PABPC5: variants seen among roughly 807,000 people sequenced by gnomAD.
The protein encoded by PABPC5 is poly(A) binding protein cytoplasmic 5, also known as polyadenylate-binding protein 5.
In PABPC5, 6 loss-of-function variants were observed where a neutral mutation model predicts 12.6. The observed-to-expected ratio is 0.48, with a 90% CI of 0.26 to 0.94. The LOEUF is 0.94. Ranked by LOEUF, PABPC5 falls within the 40% of genes least tolerant of loss-of-function variation. The pLI is 0.14. For synonymous variants in PABPC5, 124 were observed against 118.4 expected, an observed-to-expected ratio of 1.05 and a Z score of -0.31; for missense variants, 244 against 302.8, an observed-to-expected ratio of 0.81 and a Z score of 1.44.
intron 1 of PABPC5, 53 bp downstream of exon 1, chrX:91,434,947 CGT>C (rs1216729600): frequency 1.8e-5 from 2 of 111,623 alleles, no homozygotes; most frequent in Non-Finnish European, 3.8e-5. Flanking sequence ...ATCCCCCGCG[CGT>C]GTGTCTGTCT....
rs1278720928 is a variant in PABPC5, at chrX:91,436,251, C to A, written c.674C>A (p.Thr225Asn). The change falls in exon 2 of 2, where the codon ACT (threonine) becomes AAT (asparagine). Residue 225 changes from threonine to asparagine, a missense_variant. By Grantham distance (65) the Thr-to-Asn change is moderately conservative. This residue lies in a region of PABPC5 where 211 missense variants were observed against 261.5 expected (regional missense o/e 0.81). Coordinates refer to ENST00000312600, the MANE Select transcript of PABPC5 (RefSeq NM_080832.3). Reference protein sequence around the residue: ...LKELFCEYGPTESVKVIRDAS... With the variant: ...LKELFCEYGPNESVKVIRDAS... The stretch of plus-strand genomic sequence containing the variant: ...GAACTTTTCTGTGAATATGGGCCAA[C>A]TGAGAGTGTTAAAGTAATAAGAGAT... 1.7e-6 allele frequency: 2 copies of A among 1,209,476 alleles called. No homozygotes were observed. Among genetic ancestry groups the A allele is most frequent in the Non-Finnish European group, 2.2e-6 (2 of 895,073 alleles).
At position 91,436,292 on chromosome X, in the gene PABPC5, A is replaced by G; in HGVS notation, c.715A>G (p.Lys239Glu). The change falls in exon 2 of 2, where the codon AAA becomes GAA. Residue 239 changes from lysine (K) to glutamate (E), a missense_variant. Physicochemically the swap from Lys to Glu is moderately conservative, Grantham distance 56. Transcript: ENST00000312600. ...AATAAGAGATGCCAGTGGGAAATCTAAAGGCTTTGGATTTGTGAGATATGA... is the reference window on the plus strand; with the variant it reads ...AATAAGAGATGCCAGTGGGAAATCTGAAGGCTTTGGATTTGTGAGATATGA... ...KVIRDASGKS[K>E]GFGFVRYETH... The G allele has an allele frequency of 5.8e-6, 7 of 1,211,792 alleles. No individual in the cohort carries two copies. The highest frequency in any genetic ancestry group is 7.8e-6 in the Non-Finnish European group (7 of 895,522).
At position 91,436,813 on chromosome X, in the gene PABPC5, T is replaced by C; in HGVS notation, c.*87T>C. On this transcript the variant is annotated 3_prime_UTR_variant, in exon 2 of 2. Coordinates refer to ENST00000312600, the MANE Select transcript of PABPC5 (RefSeq NM_080832.3). The stretch of plus-strand genomic sequence containing the variant: ...TGATAAGGGGTTATTTTATGCTAAT[T>C]CACAAGTTTTTTTTTGAAGTGAATT... The C allele has an allele frequency of 1.2e-6, 1 of 866,333 alleles. No homozygotes were observed. Among genetic ancestry groups the C allele is most frequent in the Non-Finnish European group, 1.5e-6 (1 of 649,664 alleles). 71.4% of individuals were successfully genotyped at this position (866,333 alleles called of 1,213,427 possible). A position where few individuals can be genotyped will look rare whatever the true frequency, so the allele number is the denominator to read the frequency against.
At position 91,435,810 on chromosome X, in the gene PABPC5, C is replaced by T; in HGVS notation, c.233C>T (p.Thr78Ile). The T allele has an allele frequency of 8.3e-7, 1 of 1,211,550 alleles. No individual in the cohort carries two copies. Among genetic ancestry groups the T allele is most frequent in the South Asian group, 1.8e-5 (1 of 56,975 alleles). ...FPADAEWALN[T>I]MNFDLINGKP... ...GCGGATGCAGAGTGGGCCTTGAACACCATGAATTTTGATTTGATTAATGGA... is the reference window on the plus strand; with the variant it reads ...GCGGATGCAGAGTGGGCCTTGAACATCATGAATTTTGATTTGATTAATGGA... The change falls in exon 2 of 2, where the codon ACC becomes ATC. Residue 78 changes from threonine to isoleucine, a missense_variant. Thr to Ile is a moderately conservative substitution (Grantham distance 89, BLOSUM62 -1). This residue lies in a region of PABPC5 where 211 missense variants were observed against 261.5 expected (regional missense o/e 0.81). Coordinates refer to ENST00000312600, the MANE Select transcript of PABPC5 (RefSeq NM_080832.3).
chrX:91,437,281 T>C lies in PABPC5; in HGVS notation c.*555T>C, dbSNP rs1931619618. On this transcript the variant is annotated 3_prime_UTR_variant, in exon 2 of 2. Coordinates refer to ENST00000312600, the MANE Select transcript of PABPC5 (RefSeq NM_080832.3). ...TTCATTTTTTAATATGTTGTGAACA[T>C]GCTACAGATTTGATAGTACTTTTGA... is the stretch of plus-strand genomic sequence containing the variant. 8.1e-6 allele frequency: 1 copy of C among 123,839 alleles called. No individual in the cohort carries two copies. Among genetic ancestry groups the C allele is most frequent in the Admixed American group, 9.4e-5 (1 of 10,629 alleles). The allele number at this position is 123,839 out of a possible 1,213,427, so 10.2% of individuals were successfully genotyped here.
rs779652722 is a variant in PABPC5 at position 91,435,986 on chromosome X, G to A, written c.409G>A (p.Val137Ile). 2 of 1,211,741 alleles carry A rather than the reference G, an allele frequency of 1.7e-6. No homozygotes were observed. Among genetic ancestry groups the A allele is most frequent in the Non-Finnish European group, 2.2e-6 (2 of 895,562 alleles). ...TTTTGGGAACATTCTGTCCTGCAAAGTCGTATGCGATGACAACGGCTCTAA... is the reference window on the plus strand; with the variant it reads ...TTTTGGGAACATTCTGTCCTGCAAAATCGTATGCGATGACAACGGCTCTAA... ...SAFGNILSCKVVCDDNGSKGY... is the reference protein window; with the variant it reads ...SAFGNILSCKIVCDDNGSKGY... The change falls in exon 2 of 2, where the codon GTC (valine) becomes ATC (isoleucine). Residue 137 changes from valine to isoleucine, a missense_variant. Val to Ile is a conservative substitution (Grantham distance 29, BLOSUM62 3). Around this residue, in one of 3 missense-constraint regions of PABPC5, gnomAD observed 211 missense variants for 261.5 expected, o/e 0.81. Coordinates refer to ENST00000312600, the MANE Select transcript of PABPC5 (RefSeq NM_080832.3).
Position 91,437,753 on chromosome X carries a change from G to T in PABPC5, c.*1027G>T, listed in dbSNP as rs1428383462. On this transcript the variant is annotated 3_prime_UTR_variant, in exon 2 of 2. Coordinates refer to ENST00000312600, the MANE Select transcript of PABPC5 (RefSeq NM_080832.3). ...TATTCACAGGTGTTTCAAAGGTAAG[G>T]AATAGGTTGTCTCTTGGATTAAGTC... 2 of 121,770 alleles carry T rather than the reference G, an allele frequency of 1.6e-5. No individual in the cohort carries two copies. Among genetic ancestry groups the T allele is most frequent in the African/African-American group, 6.6e-5 (2 of 30,499 alleles). The allele number at this position is 121,770 out of a possible 1,213,427, so 10.0% of individuals were successfully genotyped here.
At position 91,435,546 on chromosome X, in the gene PABPC5, T is replaced by C; in HGVS notation, c.-32T>C. ...TTAGAGAAAGCAGCCTTTTTTCTCTTCAAAGAGAACCTCCTCCCAGTGCTC... is the reference window on the plus strand; with the variant it reads ...TTAGAGAAAGCAGCCTTTTTTCTCTCCAAAGAGAACCTCCTCCCAGTGCTC... On this transcript the variant is annotated 5_prime_UTR_variant, in exon 2 of 2. Transcript: ENST00000312600. 1 of 1,158,891 alleles carries C rather than the reference T, an allele frequency of 8.6e-7. No individual in the cohort carries two copies. The highest frequency in any genetic ancestry group is 1.2e-6 in the Non-Finnish European group (1 of 868,909).
At position 91,438,167 on chromosome X, in the gene PABPC5, C is replaced by T. The variant is rs1042201713; in HGVS notation, c.*1441C>T. On this transcript the variant is annotated 3_prime_UTR_variant, in exon 2 of 2. Transcript: ENST00000312600. ...ACTGTCAGTTTTATTACCTTATATA[C>T]AAATCTTCATTTTCATACATAGTAC... 7 of 122,722 alleles carry T rather than the reference C, an allele frequency of 5.7e-5. No homozygotes were observed. In the Admixed American group the frequency reaches 5.7e-4, roughly 10 times the overall value. The allele number at this position is 122,722 out of a possible 1,213,427, so 10.1% of individuals were successfully genotyped here. A position where few individuals can be genotyped will look rare whatever the true frequency, so the allele number is the denominator to read the frequency against.
rs1315408567 is a variant in PABPC5, at chrX:91,438,385, G to A, written c.*1659G>A. 2 of 122,525 alleles carry A rather than the reference G, an allele frequency of 1.6e-5. No individual in the cohort carries two copies. The highest frequency in any genetic ancestry group is 3.8e-5 in the Non-Finnish European group (2 of 52,816). 10.1% of individuals were successfully genotyped at this position (122,525 alleles called of 1,213,427 possible). A position where few individuals can be genotyped will look rare whatever the true frequency, so the allele number is the denominator to read the frequency against. ...GCTCATTGTAAAAAATGTACACAAG[G>A]CAGAAGGAAGTAAAATTTCCACAGT... On this transcript the variant is annotated 3_prime_UTR_variant, in exon 2 of 2. Transcript: ENST00000312600.
At position 91,436,247 on chromosome X, in the gene PABPC5, C is replaced by A; in HGVS notation, c.670C>A (p.Pro224Thr). The A allele has an allele frequency of 5.0e-6, 6 of 1,211,103 alleles. No individual in the cohort carries two copies. Among genetic ancestry groups the A allele is most frequent in the Non-Finnish European group, 6.7e-6 (6 of 895,201 alleles). The change falls in exon 2 of 2, where the codon CCA becomes ACA. Residue 224 changes from proline (P) to threonine (T), a missense_variant. Pro to Thr is a conservative substitution (Grantham distance 38). Transcript: ENST00000312600. Reference protein sequence around the residue: ...KLKELFCEYGPTESVKVIRDA... With the variant: ...KLKELFCEYGTTESVKVIRDA... ...GAAGGAACTTTTCTGTGAATATGGG[C>A]CAACTGAGAGTGTTAAAGTAATAAG...
In PABPC5 at chrX:91,437,459, T is replaced by A. The variant is rs1056891283; in HGVS notation, c.*733T>A. On this transcript the variant is annotated 3_prime_UTR_variant, in exon 2 of 2. Transcript: ENST00000312600. ...AAAACCTTTCCTAAGAGATTTGGTA[T>A]GTGAGGATACTTTCAGTACCACTCC... The A allele has an allele frequency of 2.4e-5, 3 of 123,281 alleles. No individual in the cohort carries two copies. The highest frequency in any genetic ancestry group is 3.8e-5 in the Non-Finnish European group (2 of 53,192). 10.2% of individuals were successfully genotyped at this position (123,281 alleles called of 1,213,427 possible). A position where few individuals can be genotyped will look rare whatever the true frequency, so the allele number is the denominator to read the frequency against.
At position 91,436,658 on chromosome X, in the gene PABPC5, A is replaced by G. The variant is rs1569327166; in HGVS notation, c.1081A>G (p.Met361Val). ...FEEATKAVDEMNGRIVGSKPL... is the reference protein window; with the variant it reads ...FEEATKAVDEVNGRIVGSKPL... Reference sequence around the variant, plus strand: ...AGAGGCTACCAAAGCAGTGGATGAGATGAATGGCCGCATAGTGGGCTCCAA... The same window carrying G: ...AGAGGCTACCAAAGCAGTGGATGAGGTGAATGGCCGCATAGTGGGCTCCAA... Residue 361 changes from methionine (M) to valine (V), a missense_variant, in exon 2 of 2, where the codon ATG becomes GTG. Met to Val is a conservative substitution (Grantham distance 21, BLOSUM62 1). Around this residue, in one of 3 missense-constraint regions of PABPC5, gnomAD observed 211 missense variants for 261.5 expected, o/e 0.81. Transcript: ENST00000312600. 8.3e-7 allele frequency: 1 copy of G among 1,211,177 alleles called. No homozygotes were observed. Among genetic ancestry groups the G allele is most frequent in the Non-Finnish European group, 1.1e-6 (1 of 895,528 alleles).
chrX:91,435,786 C>T lies in PABPC5; in HGVS notation c.209C>T (p.Ala70Val). Residue 70 changes from alanine (A) to valine (V), a missense_variant, in exon 2 of 2, where the codon GCG (alanine) becomes GTG (valine). By Grantham distance (64) the Ala-to-Val change is moderately conservative (BLOSUM62 0). This residue lies in a region of PABPC5 where 211 missense variants were observed against 261.5 expected (regional missense o/e 0.81). Coordinates refer to ENST00000312600, the MANE Select transcript of PABPC5 (RefSeq NM_080832.3). Reference protein sequence around the residue: ...GYGYVNFRFPADAEWALNTMN... With the variant: ...GYGYVNFRFPVDAEWALNTMN... ...GGGTATGTTAACTTCCGCTTTCCCG[C>T]GGATGCAGAGTGGGCCTTGAACACC... 8.3e-7 allele frequency: 1 copy of T among 1,211,113 alleles called. No homozygotes were observed. The highest frequency in any genetic ancestry group is 1.1e-6 in the Non-Finnish European group (1 of 895,179).
chrX:91,438,396 TA>T lies in PABPC5; in HGVS notation c.*1674del, dbSNP rs1274002672. 8.1e-6 allele frequency: 1 copy of T among 123,032 alleles called. No homozygotes were observed. The highest frequency in any genetic ancestry group is 1.9e-5 in the Non-Finnish European group (1 of 52,962). 10.1% of individuals were successfully genotyped at this position (123,032 alleles called of 1,213,427 possible). ...AAAATGTACACAAGGCAGAAGGAAG[TA>T]AAATTTCCACAGTTCAGAAATACCA... On this transcript the variant is annotated 3_prime_UTR_variant, in exon 2 of 2. Transcript: ENST00000312600.
Position 91,436,245 on chromosome X carries a change from G to C in PABPC5, c.668G>C (p.Gly223Ala), listed in dbSNP as rs1207571445. 1 of 1,209,515 alleles carries C rather than the reference G, an allele frequency of 8.3e-7. No individual in the cohort carries two copies. Among genetic ancestry groups the C allele is most frequent in the African/African-American group, 1.8e-5 (1 of 56,986 alleles). The change falls in exon 2 of 2, where the codon GGG becomes GCG. Residue 223 changes from glycine to alanine, a missense_variant. Around this residue, in one of 3 missense-constraint regions of PABPC5, gnomAD observed 211 missense variants for 261.5 expected, o/e 0.81. Transcript: ENST00000312600. ...EKLKELFCEY[G>A]PTESVKVIRD... The stretch of plus-strand genomic sequence containing the variant: ...CTGAAGGAACTTTTCTGTGAATATG[G>C]GCCAACTGAGAGTGTTAAAGTAATA...
In PABPC5 at chrX:91,436,257, G is replaced by A; in HGVS notation, c.680G>A (p.Ser227Asn). Reference sequence around the variant, plus strand: ...TTCTGTGAATATGGGCCAACTGAGAGTGTTAAAGTAATAAGAGATGCCAGT... The same window carrying A: ...TTCTGTGAATATGGGCCAACTGAGAATGTTAAAGTAATAAGAGATGCCAGT... ...ELFCEYGPTE[S>N]VKVIRDASGK... Residue 227 changes from serine (S) to asparagine (N), a missense_variant, in exon 2 of 2, where the codon AGT becomes AAT. By Grantham distance (46) the Ser-to-Asn change is conservative (BLOSUM62 1). Transcript: ENST00000312600. 8.3e-7 allele frequency: 1 copy of A among 1,211,578 alleles called. No homozygotes were observed. The highest frequency in any genetic ancestry group is 1.1e-6 in the Non-Finnish European group (1 of 895,362).
chrX:91,436,046 G>T lies in PABPC5; in HGVS notation c.469G>T (p.Ala157Ser), dbSNP rs1457943911. The T allele has an allele frequency of 1.7e-6, 2 of 1,209,936 alleles. No homozygotes were observed. Among genetic ancestry groups the T allele is most frequent in the African/African-American group, 1.8e-5 (1 of 57,110 alleles). The change falls in exon 2 of 2, where the codon GCT becomes TCT. Residue 157 changes from alanine to serine, a missense_variant. Around this residue, in one of 3 missense-constraint regions of PABPC5, gnomAD observed 211 missense variants for 261.5 expected, o/e 0.81. Coordinates refer to ENST00000312600, the MANE Select transcript of PABPC5 (RefSeq NM_080832.3). ...YAYVHFDSLAAANRAIWHMNG... is the reference protein window; with the variant it reads ...YAYVHFDSLASANRAIWHMNG... ...CTATGTTCACTTTGACAGCCTGGCC[G>T]CTGCCAATAGAGCCATCTGGCACAT... is the stretch of plus-strand genomic sequence containing the variant.
intron 1 of PABPC5, 46 bp downstream of exon 1, chrX:91,434,940 C>T (rs1183309186): frequency 2.7e-5 from 3 of 111,637 alleles, no homozygotes; most frequent in African/African-American, 9.8e-5. Context: ...GTCTTCGATC[C>T]CCCGCGCGTG....
Sources: gnomAD v4.1 joint callset for allele counts on GRCh38, gnomAD v4.1.1 for gene constraint, gnomAD v4.1.1 regional missense constraint, MANE v1.5 for transcripts, NCBI Gene and HGNC (gene_info 2026-07-23, HGNC 2026-07-21) for gene names.